Variants in MYT1L observed in about 807,000 individuals in gnomAD.
The protein encoded by MYT1L is myelin transcription factor 1 like.
In MYT1L, 12 loss-of-function variants were observed where a neutral mutation model predicts 126.7. The ratio of observed to expected loss-of-function variants is 0.09; its 90% CI spans 0.06 to 0.15. The LOEUF (loss-of-function observed/expected upper bound fraction) is 0.15. MYT1L is among the 10% of genes least tolerant of loss of function. The probability of loss-of-function intolerance (pLI) is 1.00; values close to 1 mark genes in which losing one functional copy is unlikely to be tolerated. For missense variants in MYT1L, 979 were observed against 1,585.2 expected, an observed-to-expected ratio of 0.62 and a Z score of 6.49; for synonymous variants, 541 against 604.2, an observed-to-expected ratio of 0.90 and a Z score of 1.53.
At chr2:2,088,599 C>T (rs190778036) in intron 3 of MYT1L, among the ~76,000 whole-genome samples, 13 of 151,130 alleles carry the variant, frequency 8.6e-5, no homozygotes, top group African/African-American at 2.4e-4. Flanking sequence ...CCTGCACTAA[C>T]GGGTCTGATT....
intron 19 of MYT1L, among the ~76,000 whole-genome samples, chr2:1,847,004 A>G (rs1229357262): frequency 2.6e-5 from 4 of 152,130 alleles, no homozygotes; most frequent in African/African-American, 4.8e-5. Context: ...CACAGCAGGT[A>G]AGGCCTTTGG....
intron 3 of MYT1L, among the ~76,000 whole-genome samples, chr2:2,124,024 T>C (rs1559079976): frequency 6.6e-6 from 1 of 152,200 alleles, no homozygotes; most frequent in African/African-American, 2.4e-5. Flanking sequence ...AAGCCAATCA[T>C]CTGTGATGTT....
At chr2:2,068,025 A>G (rs898644957) in intron 3 of MYT1L, among the ~76,000 whole-genome samples, 26 of 152,218 alleles carry the variant, frequency 1.7e-4, no homozygotes, top group Admixed American at 4.6e-4. Context: ...CAAATTTTGG[A>G]GAGATAAAAA....
chr2:1,940,094 C>T (rs1403488764), intron 9 of MYT1L, among the ~76,000 whole-genome samples: 12 of 152,238 alleles, frequency 7.9e-5, no homozygotes, highest in Admixed American at 1.3e-4. Flanking sequence ...TCATGAGAGG[C>T]TCTCTGAAAG....
intron 8 of MYT1L, among the ~76,000 whole-genome samples, chr2:1,956,126 TCTAC>T (rs1290148010): frequency 1.3e-5 from 2 of 152,130 alleles, no homozygotes; most frequent in African/African-American, 4.8e-5. Context: ...TACATGTCTT[TCTAC>T]CTACCTATGT....
intron 18 of MYT1L, among the ~76,000 whole-genome samples, chr2:1,867,470 A>G (rs534202661): frequency 2.6e-5 from 4 of 152,028 alleles, no homozygotes; most frequent in African/African-American, 7.3e-5. Flanking sequence ...CTAATCACCA[A>G]CTTGAATCCA....
At chr2:2,012,622 TATTC>T (rs1452819905) in intron 4 of MYT1L, among the ~76,000 whole-genome samples, 4 of 152,196 alleles carry the variant, frequency 2.6e-5, no homozygotes, top group African/African-American at 9.6e-5. Context: ...GGTCCAAAAA[TATTC>T]AACGGAAAAT....
intron 19 of MYT1L, among the ~76,000 whole-genome samples, chr2:1,850,347 TAGAG>T (rs1352040444): frequency 6.6e-6 from 1 of 152,016 alleles, no homozygotes; most frequent in African/African-American, 2.4e-5. Flanking sequence ...AGCTAAAATT[TAGAG>T]AGCTGAAAGG....
chr2:2,277,320 CCCTT>C, intron 2 of MYT1L, among the ~76,000 whole-genome samples: 1 of 152,356 alleles, frequency 6.6e-6, no homozygotes, highest in African/African-American at 2.4e-5. Context: ...CATCTTTTCA[CCCTT>C]CATACCCGAT....
At chr2:2,207,642 G>A (rs2093364900) in intron 2 of MYT1L, among the ~76,000 whole-genome samples, 1 of 152,186 alleles carries the variant, frequency 6.6e-6, no homozygotes, top group Admixed American at 6.5e-5. Context: ...ACTAACTGTT[G>A]ACAATTATTC....
intron 18 of MYT1L, among the ~76,000 whole-genome samples, chr2:1,857,683 G>C (rs1159523939): frequency 6.6e-6 from 1 of 152,016 alleles, no homozygotes; most frequent in African/African-American, 2.4e-5. Flanking sequence ...ACCTATAGGA[G>C]AAAAACATAT....
chr2:1,865,120 C>T (rs1039433168), intron 18 of MYT1L, among the ~76,000 whole-genome samples: 3 of 152,158 alleles, frequency 2.0e-5, no homozygotes, highest in East Asian at 1.9e-4. Context: ...TCCAGGCTAC[C>T]GCATCTGCCC....
chr2:1,986,422 C>T (rs2061026106), intron 5 of MYT1L, among the ~76,000 whole-genome samples: 1 of 152,086 alleles, frequency 6.6e-6, no homozygotes, highest in East Asian at 1.9e-4. Flanking sequence ...CTGGGAAAAT[C>T]CTGGGATTCC....
chr2:1,967,095 G>T (rs780272335), intron 8 of MYT1L, among the ~76,000 whole-genome samples: 1 of 152,102 alleles, frequency 6.6e-6, no homozygotes, highest in African/African-American at 2.4e-5. Context: ...ACTAATAACA[G>T]GCTGTCATCT....
chr2:2,021,081 G>C (rs1344046473), intron 4 of MYT1L, among the ~76,000 whole-genome samples: 3 of 152,214 alleles, frequency 2.0e-5, no homozygotes, highest in Non-Finnish European at 4.4e-5. Context: ...ACGCTGGCTG[G>C]ACGGTCTCCC....
At chr2:1,870,579 G>T (rs1292215536) in intron 18 of MYT1L, among the ~76,000 whole-genome samples, 3 of 152,146 alleles carry the variant, frequency 2.0e-5, no homozygotes, top group Non-Finnish European at 4.4e-5. Flanking sequence ...CATTTGGAAA[G>T]AATTTTCCTC....
intron 2 of MYT1L, among the ~76,000 whole-genome samples, chr2:2,243,372 C>T (rs1220449359): frequency 6.6e-6 from 1 of 152,168 alleles, no homozygotes; most frequent in Admixed American, 6.5e-5. Context: ...ACAAACTTAT[C>T]TCTCAAGGTT....
At chr2:1,838,331 C>A (rs2041181722) in intron 21 of MYT1L, among the ~76,000 whole-genome samples, 1 of 152,170 alleles carries the variant, frequency 6.6e-6, no homozygotes, top group African/African-American at 2.4e-5. Flanking sequence ...TATTACTGAA[C>A]ATGCCATTAT....
chr2:2,170,387 T>G lies in MYT1L; in HGVS notation c.-304+2485A>C, dbSNP rs544549852. Among the ~76,000 whole-genome samples, 115 of 152,318 alleles carry G rather than the reference T, an allele frequency of 7.5e-4. 1 individual carries two copies. Among genetic ancestry groups the G allele is most frequent in the Non-Finnish European group, 1.1e-3 (77 of 68,030 alleles). ...CTCTACTGATGCTGTAAATAAAGTT[T>G]TATTGTCAGGTGGCCATGCCATTTG... On this transcript the variant is annotated intron_variant, in intron 3 of 24. Transcript: ENST00000647738.
Sources: allele counts gnomAD v4.1 joint callset (sites outside exome capture counted in the v4.1 genomes callset), GRCh38; gene constraint gnomAD v4.1.1; transcripts MANE v1.5; gene names NCBI Gene and HGNC (gene_info 2026-07-23, HGNC 2026-07-21).